NDRG3: variants seen among roughly 807,000 people sequenced by gnomAD.
NDRG3 encodes protein NDRG3.
Under a neutral mutation model 57.2 loss-of-function variants are expected in NDRG3, and 23 were observed. That is an observed-to-expected ratio of 0.40 (90% CI 0.29 to 0.57). The LOEUF (loss-of-function observed/expected upper bound fraction) is 0.57. Ranked by LOEUF, NDRG3 falls within the 20% of genes least tolerant of loss-of-function variation. The probability of loss-of-function intolerance (pLI) is 0.42; values close to 1 mark genes in which losing one functional copy is unlikely to be tolerated. For synonymous variants in NDRG3, 132 were observed against 162.6 expected (o/e 0.81, Z 1.43); for missense variants, 384 against 457.3 (o/e 0.84, Z 1.46).
chr20:36,665,115 G>T lies in NDRG3; in HGVS notation c.759-18C>A, dbSNP rs1023487509. Reference sequence around the variant, plus strand: ...TAGAACACCTAGGTAGGCAAAGTAAGAGGTGTCACTCAGCAAATAGGCACA... The same window carrying T: ...TAGAACACCTAGGTAGGCAAAGTAATAGGTGTCACTCAGCAAATAGGCACA... On this transcript the variant is annotated intron_variant, in intron 11 of 15. Coordinates refer to ENST00000349004, the MANE Select transcript of NDRG3 (RefSeq NM_032013.4). 4 of 1,613,864 alleles carry T rather than the reference G, an allele frequency of 2.5e-6. No homozygotes were observed. Among genetic ancestry groups the T allele is most frequent in the Admixed American group, 1.7e-5 (1 of 60,018 alleles).
At chr20:36,714,885 T>A (rs749583059) in intron 2 of NDRG3, among the ~76,000 whole-genome samples, 32 of 150,958 alleles carry the variant, frequency 2.1e-4, no homozygotes, top group Non-Finnish European at 4.3e-4. Flanking sequence ...AGTGCTGGGA[T>A]TACAGGCATG....
At position 36,733,164 on chromosome 20, in the gene NDRG3, AAAAAAAAATATATATATATATATATAT is replaced by A. The variant is rs747832467; in HGVS notation, c.-48-11408_-48-11382del. 2.1e-4 allele frequency among the ~76,000 whole-genome samples: 11 copies of A among 51,418 alleles called. 2 individuals are homozygous for A. Among genetic ancestry groups the A allele is most frequent in the African/African-American group, 3.1e-4 (3 of 9,574 alleles). 33.7% of individuals were successfully genotyped at this position (51,418 alleles called of 152,430 possible). A position where few individuals can be genotyped will look rare whatever the true frequency, so the allele number is the denominator to read the frequency against. On this transcript the variant is annotated intron_variant, in intron 1 of 15. Coordinates refer to ENST00000349004, the MANE Select transcript of NDRG3 (RefSeq NM_032013.4). Reference sequence around the variant, plus strand: ...CCTGTCTCAAAAAAAAAAAAAAAAAAAAAAAAAATATATATATATATATATATATATATATATATGCACATATAAATT... The same window carrying A: ...CCTGTCTCAAAAAAAAAAAAAAAAAAATATATATATATGCACATATAAATT...
At chr20:36,712,099 T>A (rs1036354233) in intron 2 of NDRG3, among the ~76,000 whole-genome samples, 1 of 151,906 alleles carries the variant, frequency 6.6e-6, no homozygotes, top group African/African-American at 2.4e-5. Context: ...TTTTTTTGTT[T>A]TTTTTGTTGT....
intron 5 of NDRG3, among the ~76,000 whole-genome samples, chr20:36,685,610 A>G (rs118027744): frequency 0.018 from 2,705 of 152,252 alleles, 40 homozygotes; most frequent in Non-Finnish European, 0.024. Context: ...TGTGTCTGGC[A>G]TGGTTATTTT....
chr20:36,667,538 C>T (rs1476132818), intron 9 of NDRG3, among the ~76,000 whole-genome samples: 1 of 152,168 alleles, frequency 6.6e-6, no homozygotes, highest in South Asian at 2.1e-4. Flanking sequence ...CCACCACCCA[C>T]TGTTTAATGG....
chr20:36,679,793 C>T (rs143889675), intron 8 of NDRG3, among the ~76,000 whole-genome samples: 2,576 of 151,936 alleles, frequency 0.017, 80 homozygotes, highest in African/African-American at 0.059. Flanking sequence ...CGTGAGCCAC[C>T]GCGCCTGGCC....
chr20:36,680,379 CG>C (rs1419983098), intron 8 of NDRG3, among the ~76,000 whole-genome samples: 1 of 150,530 alleles, frequency 6.6e-6, no homozygotes, highest in East Asian at 2.0e-4. Context: ...CCCAGCCACT[CG>C]GGAGGCTGAG....
chr20:36,693,656 G>A (rs1249179366), intron 3 of NDRG3, among the ~76,000 whole-genome samples: 1 of 151,780 alleles, frequency 6.6e-6, no homozygotes, highest in Non-Finnish European at 1.5e-5. Flanking sequence ...AGTGACATCA[G>A]ATTCTCATAG....
intron 3 of NDRG3, among the ~76,000 whole-genome samples, chr20:36,694,708 G>C (rs1178436235): frequency 6.6e-6 from 1 of 152,108 alleles, no homozygotes; most frequent in South Asian, 2.1e-4. Context: ...TTCTCCAGCA[G>C]AAATTTATTG....
At chr20:36,732,139 A>T (rs1290695249) in intron 1 of NDRG3, among the ~76,000 whole-genome samples, 1 of 152,158 alleles carries the variant, frequency 6.6e-6, no homozygotes, top group Non-Finnish European at 1.5e-5. Flanking sequence ...TAAATAAATA[A>T]TAGAAATATA....
rs930113594 is a variant in NDRG3 at position 36,746,057 on chromosome 20, C to T, written c.-61G>A. 7 of 339,244 alleles carry T rather than the reference C, an allele frequency of 2.1e-5. No homozygotes were observed. Among genetic ancestry groups the T allele is most frequent in the East Asian group, 4.6e-5 (1 of 21,688 alleles). The allele number at this position is 339,244 out of a possible 1,614,324, so 21.0% of individuals were successfully genotyped here. On this transcript the variant is annotated 5_prime_UTR_variant, in exon 1 of 16. Coordinates refer to ENST00000349004, the MANE Select transcript of NDRG3 (RefSeq NM_032013.4). Reference sequence around the variant, plus strand: ...GGCGCTCACTCACCTGAGGCGCGGGCACCCGCCGTCAGTGCAGCAGCAGCG... The same window carrying T: ...GGCGCTCACTCACCTGAGGCGCGGGTACCCGCCGTCAGTGCAGCAGCAGCG...
chr20:36,707,015 C>T lies in NDRG3; in HGVS notation c.58-8G>A. 1 of 1,613,266 alleles carries T rather than the reference C, an allele frequency of 6.2e-7. No homozygotes were observed. Among genetic ancestry groups the T allele is most frequent in the East Asian group, 2.2e-5 (1 of 44,860 alleles). ...GAAGTTTCTTGTACCATTCTGTCAA[C>T]AGAAGACAGAAAACACAGTCAGTTT... On this transcript the variant is annotated splice_polypyrimidine_tract_variant and splice_region_variant and intron_variant, in intron 2 of 15. Transcript: ENST00000349004.
intron 3 of NDRG3, among the ~76,000 whole-genome samples, chr20:36,702,971 A>C (rs1190467326): frequency 1.3e-5 from 2 of 152,074 alleles, no homozygotes; most frequent in Non-Finnish European, 2.9e-5. Context: ...GTTGTGAGCC[A>C]CCAGACCTGG....
chr20:36,675,366 G>A lies in NDRG3; in HGVS notation c.532-3969C>T, dbSNP rs568316103. 3.0e-5 allele frequency among the ~76,000 whole-genome samples: 4 copies of A among 133,704 alleles called. No individual in the cohort carries two copies. In the East Asian group the frequency reaches 7.1e-4, roughly 24 times the overall value. 87.7% of individuals were successfully genotyped at this position (133,704 alleles called of 152,430 possible). The stretch of plus-strand genomic sequence containing the variant: ...TGAGCCACCTCACCTGGCCCGCAAC[G>A]GGCTACTTTTTAAGTTGTTTTTTTT... On this transcript the variant is annotated intron_variant, in intron 8 of 15. Coordinates refer to ENST00000349004, the MANE Select transcript of NDRG3 (RefSeq NM_032013.4).
At chr20:36,722,173 C>T (rs901534371) in intron 1 of NDRG3, among the ~76,000 whole-genome samples, 32 of 152,236 alleles carry the variant, frequency 2.1e-4, no homozygotes, top group African/African-American at 5.5e-4. Flanking sequence ...GAGAGGGCCA[C>T]GTAACAAGTA....
chr20:36,740,744 T>C (rs1242410150), intron 1 of NDRG3, among the ~76,000 whole-genome samples: 1 of 152,200 alleles, frequency 6.6e-6, no homozygotes, highest in Non-Finnish European at 1.5e-5. Context: ...ACTGAAGAGA[T>C]AAAATCAAAA....
At chr20:36,716,809 A>T (rs1029768598) in intron 2 of NDRG3, among the ~76,000 whole-genome samples, 1 of 152,218 alleles carries the variant, frequency 6.6e-6, no homozygotes, top group South Asian at 2.1e-4. Flanking sequence ...TTGGGTGAGG[A>T]GCCTGGAACA....
intron 10 of NDRG3, among the ~76,000 whole-genome samples, chr20:36,665,953 G>C (rs1979594860): frequency 6.6e-6 from 1 of 152,152 alleles, no homozygotes; most frequent in African/African-American, 2.4e-5. Flanking sequence ...ACTTTGAGGA[G>C]GGGGGAGGGG....
intron 1 of NDRG3, among the ~76,000 whole-genome samples, chr20:36,739,637 C>G (rs769817912): frequency 6.6e-6 from 1 of 150,594 alleles, no homozygotes; most frequent in Non-Finnish European, 1.5e-5. Context: ...GAAACCCTGT[C>G]TCGGCCGGGC....
Sources: gnomAD v4.1 joint callset for allele counts (sites outside exome capture counted in the v4.1 genomes callset) on GRCh38, gnomAD v4.1.1 for gene constraint, MANE v1.5 for transcripts, NCBI Gene and HGNC (gene_info 2026-07-23, HGNC 2026-07-21) for gene names.